Variants in FBXL20 observed in about 807,000 individuals in gnomAD.
The protein encoded by FBXL20 is F-box and leucine rich repeat protein 20.
A neutral mutation model predicts 64.0 loss-of-function variants in FBXL20; 11 were observed. The observed-to-expected ratio is 0.17, with a 90% CI of 0.11 to 0.28. The LOEUF is 0.28. Ranked by LOEUF, FBXL20 falls within the 10% of genes least tolerant of loss-of-function variation. FBXL20 has a pLI of 1.00. For missense variants in FBXL20, 303 were observed against 526.2 expected (o/e 0.58, Z 4.15); for synonymous variants, 184 against 189.0 (o/e 0.97, Z 0.22).
chr17:39,328,195 C>T (rs1413586159), intron 2 of FBXL20, among the ~76,000 whole-genome samples: 1 of 139,366 alleles, frequency 7.2e-6, no homozygotes, highest in Non-Finnish European at 1.5e-5. Flanking sequence ...TTACAGTGAG[C>T]CGAGATCACG....
chr17:39,383,828 A>G (rs75195134), intron 1 of FBXL20, among the ~76,000 whole-genome samples: 3 of 151,634 alleles, frequency 2.0e-5, no homozygotes, highest in African/African-American at 4.8e-5. Flanking sequence ...GAGCTCAGGC[A>G]ATCCACCCAC....
intron 1 of FBXL20, among the ~76,000 whole-genome samples, chr17:39,372,786 T>C (rs1437760082): frequency 6.6e-6 from 1 of 151,384 alleles, no homozygotes; most frequent in Admixed American, 6.6e-5. Flanking sequence ...CTACCACACC[T>C]GGCTAATTTT....
chr17:39,380,053 C>A (rs559491261), intron 1 of FBXL20, among the ~76,000 whole-genome samples: 16 of 152,168 alleles, frequency 1.1e-4, no homozygotes, highest in Middle Eastern at 3.4e-3. Context: ...AATCACTTCT[C>A]CCTGTCTCTA....
chr17:39,280,260 G>C (rs924432791), intron 9 of FBXL20, among the ~76,000 whole-genome samples: 1 of 148,712 alleles, frequency 6.7e-6, no homozygotes, highest in African/African-American at 2.5e-5. Context: ...AAAATTAGCC[G>C]GGCATGGTGA....
chr17:39,333,298 G>A (rs989093995), intron 2 of FBXL20, among the ~76,000 whole-genome samples: 4 of 152,144 alleles, frequency 2.6e-5, no homozygotes, highest in Admixed American at 6.5e-5. Context: ...GGCGCGCGCC[G>A]CCACGCCTGA....
intron 9 of FBXL20, among the ~76,000 whole-genome samples, chr17:39,277,816 G>C (rs1345182997): frequency 7.1e-6 from 1 of 139,982 alleles, no homozygotes; most frequent in Admixed American, 7.1e-5. Context: ...AATCTGTCAA[G>C]AAAATGAAAG....
chr17:39,265,855 G>A (rs1226990184), intron 12 of FBXL20, among the ~76,000 whole-genome samples: 1 of 151,712 alleles, frequency 6.6e-6, no homozygotes, highest in Non-Finnish European at 1.5e-5. Context: ...CCATCTTCCA[G>A]CCTCAGCCTC....
intron 9 of FBXL20, among the ~76,000 whole-genome samples, chr17:39,281,100 T>C (rs2046946305): frequency 6.6e-6 from 1 of 152,178 alleles, no homozygotes; most frequent in South Asian, 2.1e-4. Context: ...GTGAATCATT[T>C]ACATTTTAAA....
At chr17:39,375,459 G>T (rs1172748601) in intron 1 of FBXL20, among the ~76,000 whole-genome samples, 1 of 152,084 alleles carries the variant, frequency 6.6e-6, no homozygotes, top group Non-Finnish European at 1.5e-5. Context: ...GAAGATACAA[G>T]TTCTATTGTT....
intron 2 of FBXL20, among the ~76,000 whole-genome samples, chr17:39,319,890 G>A (rs1369562740): frequency 1.3e-5 from 2 of 152,008 alleles, no homozygotes; most frequent in Non-Finnish European, 2.9e-5. Context: ...GAGATTGCAA[G>A]CATGAGCCAC....
At chr17:39,389,144 G>C (rs1377848575) in intron 1 of FBXL20, among the ~76,000 whole-genome samples, 7 of 148,056 alleles carry the variant, frequency 4.7e-5, no homozygotes, top group African/African-American at 1.7e-4. Flanking sequence ...ATCTACATTT[G>C]GGAAGCTTCT....
In FBXL20 at chr17:39,340,473, G is replaced by A. The variant is rs569457454; in HGVS notation, c.104+2707C>T. ...TCCAACTCCTGACCTCAAGTGATCC[G>A]CCTGCCTTGGCCTCCCAAAGTGCTA... On this transcript the variant is annotated intron_variant, in intron 2 of 14. Transcript: ENST00000264658. Among the ~76,000 whole-genome samples the A allele has an allele frequency of 3.9e-5, 6 of 152,236 alleles. No homozygotes were observed. The South Asian group carries it at 6.2e-4, about 16-fold the overall frequency.
chr17:39,270,712 T>TC, intron 11 of FBXL20, 84 bp downstream of exon 11: 1 of 1,184,224 alleles, frequency 8.4e-7, no homozygotes, highest in Non-Finnish European at 1.2e-6. Flanking sequence ...ATTTCACATT[T>TC]CCCTTGCTGC....
intron 1 of FBXL20, among the ~76,000 whole-genome samples, chr17:39,393,257 C>A (rs762354687): frequency 6.6e-6 from 1 of 151,758 alleles, no homozygotes; most frequent in Non-Finnish European, 1.5e-5. Context: ...CCATTGCACT[C>A]CAGCCTGGGC....
At chr17:39,327,696 TTTTTG>T (rs1276352829) in intron 2 of FBXL20, among the ~76,000 whole-genome samples, 7 of 152,106 alleles carry the variant, frequency 4.6e-5, no homozygotes, top group African/African-American at 2.4e-5. Context: ...ATGTATTTCT[TTTTTG>T]TTTTGTTTTG....
At position 39,257,319 on chromosome 17, in the gene FBXL20, C is replaced by A. The variant is rs2046704782; in HGVS notation, c.*4141G>T. ...AAAACATTATGGCTATCTTGAATAA[C>A]TCAAATAGTCTGGAAAGCCCAAAAT... On this transcript the variant is annotated 3_prime_UTR_variant, in exon 15 of 15. Coordinates refer to ENST00000264658, the MANE Select transcript of FBXL20 (RefSeq NM_032875.3). 6.6e-6 allele frequency: 1 copy of A among 152,214 alleles called. No individual in the cohort carries two copies. Among genetic ancestry groups the A allele is most frequent in the Admixed American group, 6.5e-5 (1 of 15,274 alleles). The allele number at this position is 152,214 out of a possible 1,614,324, so 9.4% of individuals were successfully genotyped here. A position where few individuals can be genotyped will look rare whatever the true frequency, so the allele number is the denominator to read the frequency against.
At chr17:39,265,323 C>T (rs748835834) in intron 13 of FBXL20, 74 bp downstream of exon 13, 7 of 1,174,946 alleles carry the variant, frequency 6.0e-6, no homozygotes, top group Non-Finnish European at 8.7e-6. Flanking sequence ...ACACTAAGAG[C>T]TGGGTTCTTG....
At chr17:39,389,104 C>CAAAAAAAAAAAAAAAAAAA in intron 1 of FBXL20, among the ~76,000 whole-genome samples, 1 of 52,696 alleles carries the variant, frequency 1.9e-5, no homozygotes, top group Non-Finnish European at 3.9e-5. Context: ...AACTCCATCT[C>CAAAAAAAAAAAAAAAAAAA]AAAAAAAAAA....
chr17:39,272,922 G>C (rs955007616), intron 10 of FBXL20, among the ~76,000 whole-genome samples: 1 of 152,160 alleles, frequency 6.6e-6, no homozygotes, highest in Non-Finnish European at 1.5e-5. Context: ...GATATTCAGA[G>C]AGAAGTTTGA....
Sources: allele counts gnomAD v4.1 joint callset (sites outside exome capture counted in the v4.1 genomes callset), GRCh38; gene constraint gnomAD v4.1.1; transcripts MANE v1.5; gene names NCBI Gene and HGNC (gene_info 2026-07-23, HGNC 2026-07-21).